Variants in QTGAL observed in about 807,000 individuals in gnomAD.
QTGAL encodes BGnT-like protein 1.
At chr17:83,018,812 G>A in the QTGAL span, among the ~76,000 whole-genome samples, 2 of 152,222 alleles carry the variant, frequency 1.3e-5, no homozygotes, top group Non-Finnish European at 2.9e-5. Flanking sequence ...CCCATTCAGC[G>A]GCGACGCTGG....
chr17:83,044,764 C>T, the QTGAL span, among the ~76,000 whole-genome samples: 1 of 152,072 alleles, frequency 6.6e-6, no homozygotes, highest in African/African-American at 2.4e-5. Context: ...GCCAACATGG[C>T]GAAACCCCGT....
the QTGAL span, among the ~76,000 whole-genome samples, chr17:83,031,176 G>A: frequency 6.6e-6 from 1 of 152,244 alleles, no homozygotes; most frequent in Non-Finnish European, 1.5e-5. Context: ...GTGTGTGCCA[G>A]GAGGAAACGC....
the QTGAL span, chr17:83,048,784 G>C: frequency 2.9e-5 from 46 of 1,610,692 alleles, no homozygotes; most frequent in Non-Finnish European, 3.9e-5. Context: ...GAGGATAATA[G>C]ACTGGAATTC....
chr17:82,998,315 A>C, the QTGAL span, among the ~76,000 whole-genome samples: 1 of 152,216 alleles, frequency 6.6e-6, no homozygotes, highest in African/African-American at 2.4e-5. Flanking sequence ...GAAAATAGAT[A>C]AATTGAATTT....
At chr17:83,041,327 T>G in the QTGAL span, among the ~76,000 whole-genome samples, 2 of 151,770 alleles carry the variant, frequency 1.3e-5, no homozygotes, top group African/African-American at 4.8e-5. Context: ...AGAAAAAAAG[T>G]TTGAAAAAAT....
the QTGAL span, chr17:82,957,282 AGGCCGG>A: frequency 6.2e-7 from 1 of 1,614,108 alleles, no homozygotes; most frequent in Non-Finnish European, 8.5e-7. Context: ...AGCTCTGGAC[AGGCCGG>A]GGCCAGGGCC....
the QTGAL span, among the ~76,000 whole-genome samples, chr17:83,025,162 CCGCGGAG>C: frequency 9.9e-6 from 1 of 100,596 alleles, no homozygotes; most frequent in Admixed American, 9.6e-5. Flanking sequence ...CACACAGACA[CCGCGGAG>C]TCCACACACG....
the QTGAL span, among the ~76,000 whole-genome samples, chr17:83,038,754 G>A: frequency 1.3e-5 from 2 of 152,102 alleles, no homozygotes; most frequent in Non-Finnish European, 2.9e-5. Flanking sequence ...AGCTACTTGG[G>A]AGGCTGAGGC....
the QTGAL span, among the ~76,000 whole-genome samples, chr17:82,988,898 T>C: frequency 1.3e-5 from 2 of 152,220 alleles, no homozygotes; most frequent in African/African-American, 4.8e-5. Flanking sequence ...TTTTACACTG[T>C]TGGTGGGAAT....
the QTGAL span, among the ~76,000 whole-genome samples, chr17:82,954,043 T>A: frequency 3.3e-5 from 5 of 152,216 alleles, no homozygotes. Context: ...AGTATCATAC[T>A]GAATGGGCAA....
At chr17:83,041,078 A>C in the QTGAL span, among the ~76,000 whole-genome samples, 1 of 151,458 alleles carries the variant, frequency 6.6e-6, no homozygotes, top group Admixed American at 6.6e-5. Flanking sequence ...AAAAAAAAAA[A>C]AAAAATGGCT....
At chr17:83,018,936 T>A in the QTGAL span, among the ~76,000 whole-genome samples, 4 of 152,294 alleles carry the variant, frequency 2.6e-5, no homozygotes, top group African/African-American at 9.6e-5. Context: ...GGGGCGGACA[T>A]GGGAGTGGCA....
At chr17:82,957,973 G>C in the QTGAL span, among the ~76,000 whole-genome samples, 3 of 151,892 alleles carry the variant, frequency 2.0e-5, no homozygotes, top group Admixed American at 6.6e-5. Flanking sequence ...GTGACAAGTC[G>C]ACCCCAGGCT....
the QTGAL span, chr17:82,944,851 A>G: frequency 1.3e-5 from 2 of 152,200 alleles, no homozygotes; most frequent in African/African-American, 4.8e-5. Context: ...GCCCAGGGCC[A>G]GATCTAATGG....
At chr17:83,048,789 G>C in the QTGAL span, 1 of 1,605,406 alleles carries the variant, frequency 6.2e-7, no homozygotes, top group South Asian at 1.1e-5. Flanking sequence ...TAATAGACTG[G>C]AATTCAAAAG....
At chr17:83,044,372 A>G in the QTGAL span, among the ~76,000 whole-genome samples, 1 of 152,254 alleles carries the variant, frequency 6.6e-6, no homozygotes, top group Non-Finnish European at 1.5e-5. Flanking sequence ...TTAACAGATA[A>G]AGGGGAAAAA....
the QTGAL span, chr17:82,944,013 C>T: frequency 7.9e-5 from 12 of 152,200 alleles, no homozygotes; most frequent in East Asian, 1.9e-4. Context: ...CATCGCCATG[C>T]CTGCAGCTCA....
chr17:83,007,334 T>C, the QTGAL span: 31 of 949,256 alleles, frequency 3.3e-5, no homozygotes, highest in East Asian at 4.6e-4. Context: ...CTAAACTGTT[T>C]GGTGTGTCTG....
the QTGAL span, among the ~76,000 whole-genome samples, chr17:83,007,905 T>C: frequency 3.0e-3 from 456 of 152,308 alleles, no homozygotes; most frequent in Non-Finnish European, 5.2e-3. Flanking sequence ...TTTTTAACCT[T>C]GGAAGAAGGC....
Sources: allele counts gnomAD v4.1 joint callset (sites outside exome capture counted in the v4.1 genomes callset), GRCh38; gene constraint gnomAD v4.1.1; transcripts MANE v1.5; gene names NCBI Gene and HGNC (gene_info 2026-07-23, HGNC 2026-07-21).